ATP11C: variants seen among roughly 807,000 people sequenced by gnomAD.
The protein encoded by ATP11C is ATPase phospholipid transporting 11C (ATP11C blood group).
Under a neutral mutation model 97.4 loss-of-function variants are expected in ATP11C, and 36 were observed. The ratio of observed to expected loss-of-function variants is 0.37; its 90% CI spans 0.28 to 0.49. The LOEUF is 0.49. Ranked by LOEUF, ATP11C falls within the 20% of genes least tolerant of loss-of-function variation. The pLI is 0.98. For missense variants in ATP11C, 730 were observed against 824.6 expected, an observed-to-expected ratio of 0.89 and a Z score of 1.40; for synonymous variants, 275 against 290.9, an observed-to-expected ratio of 0.95 and a Z score of 0.56.
At chrX:139,799,490 G>GAA (rs2082872374) in intron 8 of ATP11C, among the ~76,000 whole-genome samples, 1 of 109,686 alleles carries the variant, frequency 9.1e-6, no homozygotes, top group Admixed American at 9.8e-5. Flanking sequence ...AACATGGCTA[G>GAA]AACAGGTTTG....
chrX:139,865,640 TA>T, intron 1 of ATP11C, among the ~76,000 whole-genome samples: 1 of 110,546 alleles, frequency 9.0e-6, no homozygotes, highest in Admixed American at 9.7e-5. Context: ...CGTGCACCTG[TA>T]ATCCCAGCTA....
intron 23 of ATP11C, among the ~76,000 whole-genome samples, chrX:139,753,585 G>C (rs1392647268): frequency 9.0e-6 from 1 of 111,643 alleles, no homozygotes; most frequent in Non-Finnish European, 1.9e-5. Context: ...AACACAGGCA[G>C]ATCATCTGAG....
chrX:139,826,911 G>C, intron 1 of ATP11C, 88 bp from the exon 2 acceptor site: 1 of 1,007,584 alleles, frequency 9.9e-7, no homozygotes, highest in Non-Finnish European at 1.3e-6. Flanking sequence ...CAAGCATGCT[G>C]GGCCATAATC....
Position 139,932,112 on chromosome X carries a change from A to G in ATP11C, c.-70T>C, listed in dbSNP as rs1458478976. ...TCTGGGAAGGCGCCGTCCACAAAAC[A>G]CACTGCGGCGTGGGCCGGCGGCGCC... On this transcript the variant is annotated 5_prime_UTR_variant, in exon 1 of 30. Transcript: ENST00000682941. The G allele has an allele frequency of 2.9e-6, 3 of 1,022,560 alleles. No individual in the cohort carries two copies. Among genetic ancestry groups the G allele is most frequent in the South Asian group, 5.6e-5 (2 of 35,776 alleles). The allele number at this position is 1,022,560 out of a possible 1,213,427, so 84.3% of individuals were successfully genotyped here. A position where few individuals can be genotyped will look rare whatever the true frequency, so the allele number is the denominator to read the frequency against.
intron 1 of ATP11C, among the ~76,000 whole-genome samples, chrX:139,901,096 T>C (rs2084892792): frequency 9.0e-6 from 1 of 111,606 alleles, no homozygotes; most frequent in African/African-American, 3.3e-5. Context: ...TGCAAACCCC[T>C]GGGTTTGGGT....
In ATP11C at chrX:139,798,341, G is replaced by A; in HGVS notation, c.789C>T (p.Tyr263=). 8.4e-7 allele frequency: 1 copy of A among 1,193,045 alleles called. No homozygotes were observed. The highest frequency in any genetic ancestry group is 1.1e-6 in the Non-Finnish European group (1 of 882,520). The part of the protein sequence containing the change: ...NTEKIYGVAV[Y]TGMETKMALN... ...AAGCCATTTTGGTTTCCATTCCAGT[G>A]TAAACAGCAACTCCTAAGAAATTAC... Residue 263 remains tyrosine (Y), a synonymous_variant, in exon 10 of 30, where the codon TAC becomes TAT. Transcript: ENST00000682941.
chrX:139,799,873 A>T (rs915639928), intron 8 of ATP11C, among the ~76,000 whole-genome samples, 187 bp downstream of exon 8: 3 of 109,354 alleles, frequency 2.7e-5, no homozygotes, highest in African/African-American at 1.0e-4. Context: ...GCTGGCTTCA[A>T]ACTCCTGACC....
chrX:139,916,937 T>A (rs2085164307), intron 1 of ATP11C, among the ~76,000 whole-genome samples: 1 of 110,731 alleles, frequency 9.0e-6, no homozygotes, highest in Admixed American at 9.7e-5. Flanking sequence ...GCAAACAGAA[T>A]AAAAATAAAT....
intron 4 of ATP11C, among the ~76,000 whole-genome samples, chrX:139,815,412 T>A (rs1472896909): frequency 1.8e-5 from 2 of 111,725 alleles, no homozygotes; most frequent in African/African-American, 6.5e-5. Context: ...ACTGTTCGAG[T>A]AATCATCTCC....
At chrX:139,748,765 A>G (rs1218082766) in intron 24 of ATP11C, among the ~76,000 whole-genome samples, 1 of 111,790 alleles carries the variant, frequency 8.9e-6, no homozygotes, top group African/African-American at 3.3e-5. Context: ...TTACAACATA[A>G]ATAATCTGGT....
chrX:139,774,791 A>G lies in ATP11C; in HGVS notation c.2115T>C (p.Ile705=), dbSNP rs1160719530. The change falls in exon 19 of 30, where the codon ATT becomes ATC. Residue 705 remains isoleucine, a synonymous_variant. Coordinates refer to ENST00000682941, the MANE Select transcript of ATP11C (RefSeq NM_001353812.2). ...TELLELTTKT[I]EESERKEDRL... ...GATCTTCTTTCCTTTCACTTTCTTC[A>G]ATGGTTTTTGTGGTTAGTTCTAAGA... 8.3e-7 allele frequency: 1 copy of G among 1,211,697 alleles called. No individual in the cohort carries two copies. The highest frequency in any genetic ancestry group is 1.1e-6 in the Non-Finnish European group (1 of 895,349).
At chrX:139,850,625 A>G (rs1770172912) in intron 1 of ATP11C, among the ~76,000 whole-genome samples, 1 of 111,846 alleles carries the variant, frequency 8.9e-6, no homozygotes, top group African/African-American at 3.3e-5. Flanking sequence ...AAAAAGAGGT[A>G]CAACAGGGGC....
chrX:139,897,227 A>G (rs2049771670), intron 1 of ATP11C, among the ~76,000 whole-genome samples: 1 of 111,384 alleles, frequency 9.0e-6, no homozygotes, highest in Non-Finnish European at 1.9e-5. Flanking sequence ...CTGTCTCAAA[A>G]TAATAAGGGA....
At chrX:139,899,482 A>C (rs1439545507) in intron 1 of ATP11C, among the ~76,000 whole-genome samples, 2 of 110,531 alleles carry the variant, frequency 1.8e-5, no homozygotes, top group South Asian at 3.9e-4. Context: ...GTCTCAAAAA[A>C]AAAAAAAAAT....
intron 23 of ATP11C, among the ~76,000 whole-genome samples, chrX:139,755,003 G>T (rs1011844626): frequency 8.9e-6 from 1 of 111,917 alleles, no homozygotes; most frequent in African/African-American, 3.2e-5. Context: ...TCAGGCAAGA[G>T]AAAGAAATAA....
intron 1 of ATP11C, chrX:139,832,018 C>G (rs2083659216): frequency 1.6e-6 from 1 of 616,227 alleles, no homozygotes; most frequent in Admixed American, 3.9e-5. Flanking sequence ...GGCTGAAAAT[C>G]CAGCTAACCA....
At chrX:139,794,419 C>A (rs2082752522) in intron 12 of ATP11C, among the ~76,000 whole-genome samples, 1 of 112,386 alleles carries the variant, frequency 8.9e-6, no homozygotes, top group Non-Finnish European at 1.9e-5. Flanking sequence ...TTCAAGACTT[C>A]TTTGCACTTT....
intron 3 of ATP11C, among the ~76,000 whole-genome samples, chrX:139,818,741 T>C (rs775494522): frequency 2.7e-5 from 3 of 112,541 alleles, no homozygotes; most frequent in African/African-American, 6.4e-5. Context: ...AAAAAGTACC[T>C]TTAATGTAGT....
intron 20 of ATP11C, among the ~76,000 whole-genome samples, chrX:139,765,154 C>T (rs1202731340): frequency 1.8e-5 from 2 of 110,719 alleles, no homozygotes; most frequent in Non-Finnish European, 1.9e-5. Context: ...GATTTAGATT[C>T]GTAAACATGG....
Sources: allele counts gnomAD v4.1 joint callset (sites outside exome capture counted in the v4.1 genomes callset), GRCh38; gene constraint gnomAD v4.1.1; transcripts MANE v1.5; gene names NCBI Gene and HGNC (gene_info 2026-07-23, HGNC 2026-07-21).